Variants in SCAPER observed in about 807,000 individuals in gnomAD.
SCAPER encodes S-phase cyclin A associated protein in the ER.
SCAPER carries 98 observed loss-of-function variants against 182.2 expected under a neutral mutation model. The ratio of observed to expected loss-of-function variants is 0.54; its 90% confidence interval spans 0.46 to 0.64. The LOEUF (loss-of-function observed/expected upper bound fraction) is 0.64. Among genes scored for constraint, SCAPER ranks in the 30% least tolerant of loss-of-function variants. The pLI is 0.00. For synonymous variants in SCAPER, 605 were observed against 564.6 expected (o/e 1.07, Z -1.01); for missense variants, 1,432 against 1,690.0 (o/e 0.85, Z 2.68).
intron 21 of SCAPER, among the ~76,000 whole-genome samples, chr15:76,631,086 C>CT (rs2053066286): frequency 6.6e-6 from 1 of 152,074 alleles, no homozygotes; most frequent in Non-Finnish European, 1.5e-5. Flanking sequence ...GGTTTAAAGT[C>CT]TGTTTTGTCA....
chr15:76,783,350 G>C (rs1195857374), intron 8 of SCAPER, among the ~76,000 whole-genome samples: 1 of 152,126 alleles, frequency 6.6e-6, no homozygotes, highest in African/African-American at 2.4e-5. Flanking sequence ...TCGAATCTCT[G>C]AATAGACCAA....
intron 24 of SCAPER, among the ~76,000 whole-genome samples, chr15:76,481,080 C>T (rs1424243661): frequency 6.6e-6 from 1 of 152,100 alleles, no homozygotes; most frequent in Non-Finnish European, 1.5e-5. Context: ...TTATTCTCAG[C>T]CAATCTGGTT....
chr15:76,794,206 TCA>T (rs1259766386), intron 8 of SCAPER, among the ~76,000 whole-genome samples: 75 of 152,328 alleles, frequency 4.9e-4, no homozygotes, highest in African/African-American at 1.6e-3. Context: ...ATAGATATAA[TCA>T]AGATCTATTA....
chr15:76,446,105 C>T (rs947394073), intron 25 of SCAPER, among the ~76,000 whole-genome samples: 3 of 152,126 alleles, frequency 2.0e-5, no homozygotes, highest in African/African-American at 7.2e-5. Context: ...ACTTAATCGA[C>T]ACAACACTCT....
chr15:76,520,185 G>C (rs1443762537), intron 23 of SCAPER, among the ~76,000 whole-genome samples: 1 of 152,012 alleles, frequency 6.6e-6, no homozygotes, highest in Non-Finnish European at 1.5e-5. Context: ...TGTTTGTCTA[G>C]AAGGACAGAG....
At chr15:76,840,579 C>T (rs1217180654) in intron 5 of SCAPER, among the ~76,000 whole-genome samples, 1 of 152,088 alleles carries the variant, frequency 6.6e-6, no homozygotes, top group Non-Finnish European at 1.5e-5. Context: ...TGACTGTTTC[C>T]AATTTAAGAG....
chr15:76,477,400 T>C (rs1371438234), intron 24 of SCAPER, among the ~76,000 whole-genome samples: 1 of 152,168 alleles, frequency 6.6e-6, no homozygotes, highest in Admixed American at 6.5e-5. Context: ...CAAATATATA[T>C]AGGACAATGG....
intron 4 of SCAPER, among the ~76,000 whole-genome samples, chr15:76,856,354 C>T (rs1240597382): frequency 1.3e-5 from 2 of 151,858 alleles, no homozygotes; most frequent in Non-Finnish European, 2.9e-5. Context: ...TACGACAAAC[C>T]CCCATGAAAC....
At chr15:76,463,148 A>T (rs1019424408) in intron 25 of SCAPER, among the ~76,000 whole-genome samples, 1 of 152,174 alleles carries the variant, frequency 6.6e-6, no homozygotes, top group African/African-American at 2.4e-5. Context: ...AACGTGTCCT[A>T]GATATGCTGA....
intron 15 of SCAPER, among the ~76,000 whole-genome samples, chr15:76,750,091 T>C (rs1053432398): frequency 1.3e-5 from 2 of 151,774 alleles, no homozygotes; most frequent in African/African-American, 4.8e-5. Flanking sequence ...TCATGGCCAA[T>C]TCATTTTCAA....
At chr15:76,747,504 A>AATAT (rs145994360) in intron 15 of SCAPER, among the ~76,000 whole-genome samples, 1 of 151,280 alleles carries the variant, frequency 6.6e-6, no homozygotes, top group Admixed American at 6.6e-5. Context: ...CTGTCTCAAA[A>AATAT]ATATATATAT....
intron 25 of SCAPER, among the ~76,000 whole-genome samples, chr15:76,436,811 G>A (rs1441681865): frequency 6.6e-6 from 1 of 152,154 alleles, no homozygotes; most frequent in Admixed American, 6.5e-5. Context: ...TTCTGTGTGA[G>A]GAGTTTCAAT....
At chr15:76,708,153 C>CAT (rs1198603576) in intron 17 of SCAPER, among the ~76,000 whole-genome samples, 2 of 152,086 alleles carry the variant, frequency 1.3e-5, no homozygotes, top group African/African-American at 4.8e-5. Context: ...AACATTCTCC[C>CAT]ATATATTTTA....
At chr15:76,846,316 A>C (rs2070083606) in intron 4 of SCAPER, among the ~76,000 whole-genome samples, 1 of 152,152 alleles carries the variant, frequency 6.6e-6, no homozygotes, top group African/African-American at 2.4e-5. Context: ...CCCCATAAGC[A>C]CAGGCAACAA....
intron 15 of SCAPER, among the ~76,000 whole-genome samples, chr15:76,734,574 G>A (rs939884985): frequency 1.3e-5 from 2 of 152,122 alleles, no homozygotes; most frequent in African/African-American, 4.8e-5. Context: ...AAACTGTACT[G>A]AACGTACTCA....
chr15:76,673,615 A>G (rs1462249226), intron 20 of SCAPER, among the ~76,000 whole-genome samples: 1 of 152,150 alleles, frequency 6.6e-6, no homozygotes, highest in East Asian at 1.9e-4. Flanking sequence ...AGACACACAC[A>G]TATACACGTA....
At chr15:76,604,996 T>C (rs896560200) in intron 22 of SCAPER, among the ~76,000 whole-genome samples, 3 of 152,172 alleles carry the variant, frequency 2.0e-5, no homozygotes, top group African/African-American at 7.2e-5. Flanking sequence ...ACTTCCTCTT[T>C]TCCTAATTGA....
At position 76,813,243 on chromosome 15, in the gene SCAPER, A is replaced by AAAAAT. The variant is rs1568219608; in HGVS notation, c.394-8611_394-8610insATTTT. Among the ~76,000 whole-genome samples, 530 of 60,942 alleles carry AAAAAT rather than the reference A, an allele frequency of 8.7e-3. 12 individuals are homozygous for AAAAAT. Among genetic ancestry groups the AAAAAT allele is most frequent in the African/African-American group, 0.016 (492 of 30,136 alleles). 40.0% of individuals were successfully genotyped at this position (60,942 alleles called of 152,430 possible). Reference sequence around the variant, plus strand: ...TCCTTTCACTAAAAAAAAAAAAAAAAAAAAAAAAAAAACAACTCAACAAAA... The same window carrying AAAAAT: ...TCCTTTCACTAAAAAAAAAAAAAAAAAAAATAAAAAAAAAAAACAACTCAACAAAA... On this transcript the variant is annotated intron_variant, in intron 5 of 31. Coordinates refer to ENST00000563290, the MANE Select transcript of SCAPER (RefSeq NM_020843.4).
chr15:76,552,225 G>C (rs556577249), intron 23 of SCAPER, among the ~76,000 whole-genome samples: 1 of 152,266 alleles, frequency 6.6e-6, no homozygotes, highest in East Asian at 1.9e-4. Context: ...TGAGGTTGCA[G>C]TGAGCTGACT....
Sources: gnomAD v4.1 joint callset for allele counts (sites outside exome capture counted in the v4.1 genomes callset) on GRCh38, gnomAD v4.1.1 for gene constraint, MANE v1.5 for transcripts, NCBI Gene and HGNC (gene_info 2026-07-23, HGNC 2026-07-21) for gene names.